Variants in AOPEP observed in about 807,000 individuals in gnomAD.
AOPEP encodes the protein aminopeptidase O.
AOPEP carries 77 observed loss-of-function variants against 98.1 expected under a neutral mutation model. The observed-to-expected ratio is 0.78, with a 90% confidence interval of 0.65 to 0.95. The LOEUF is 0.95. Ranked by LOEUF, AOPEP falls within the 40% of genes least tolerant of loss-of-function variation. The pLI is 0.00. For synonymous variants in AOPEP, 346 were observed against 365.3 expected (o/e 0.95, Z 0.60); for missense variants, 1,024 against 1,024.7 (o/e 1.00, Z 0.01).
At chr9:94,789,263 GGT>G (rs1001015017) in intron 3 of AOPEP, among the ~76,000 whole-genome samples, 1 of 152,174 alleles carries the variant, frequency 6.6e-6, no homozygotes, top group Admixed American at 6.5e-5. Flanking sequence ...AGGAAGCAAA[GGT>G]GGCCTCGGCC....
At chr9:94,894,672 A>G (rs2049263786) in intron 5 of AOPEP, among the ~76,000 whole-genome samples, 1 of 152,222 alleles carries the variant, frequency 6.6e-6, no homozygotes, top group Non-Finnish European at 1.5e-5. Flanking sequence ...ATTTTCATAG[A>G]AAGGAAGGCT....
chr9:95,016,099 TCA>T (rs970912842), intron 13 of AOPEP, among the ~76,000 whole-genome samples: 1 of 151,654 alleles, frequency 6.6e-6, no homozygotes, highest in Non-Finnish European at 1.5e-5. Flanking sequence ...TATTTTACTC[TCA>T]CTCTTTTTTC....
chr9:94,979,308 G>T, intron 10 of AOPEP, 59 bp from the exon 11 acceptor site: 2 of 1,125,728 alleles, frequency 1.8e-6, no homozygotes, highest in Non-Finnish European at 2.7e-6. Context: ...GAACCAGTCT[G>T]TGTAATAAGC....
intron 15 of AOPEP, chr9:95,081,013 G>A (rs189457264): frequency 9.5e-6 from 5 of 528,064 alleles, no homozygotes; most frequent in Admixed American, 3.3e-5. Flanking sequence ...TGGCCCACAC[G>A]TCATCCGATG....
intron 14 of AOPEP, among the ~76,000 whole-genome samples, chr9:95,078,172 G>A (rs1455820589): frequency 3.9e-5 from 6 of 152,072 alleles, no homozygotes; most frequent in Admixed American, 1.3e-4. Flanking sequence ...AGTAAGAAAC[G>A]TGGAAATACT....
intron 5 of AOPEP, among the ~76,000 whole-genome samples, chr9:94,868,869 T>G (rs2046003507): frequency 6.6e-6 from 1 of 152,224 alleles, no homozygotes; most frequent in South Asian, 2.1e-4. Context: ...CTTGCCATAT[T>G]TTAAAACTTA....
chr9:94,786,430 G>C (rs1184762566), intron 3 of AOPEP, among the ~76,000 whole-genome samples: 1 of 152,196 alleles, frequency 6.6e-6, no homozygotes, highest in African/African-American at 2.4e-5. Flanking sequence ...TAATTCTCTT[G>C]CAAGGTAGGC....
At chr9:95,013,899 T>A (rs1399108049) in intron 13 of AOPEP, among the ~76,000 whole-genome samples, 2 of 152,244 alleles carry the variant, frequency 1.3e-5, no homozygotes, top group Non-Finnish European at 2.9e-5. Context: ...AGATTTTTTC[T>A]ATACATTCCA....
intron 1 of AOPEP, among the ~76,000 whole-genome samples, chr9:94,735,042 C>G (rs771448590): frequency 2.6e-5 from 4 of 151,988 alleles, no homozygotes; most frequent in Non-Finnish European, 5.9e-5. Flanking sequence ...ATATTTATTC[C>G]TTGATTGTAT....
At chr9:95,066,193 A>G (rs949167230) in intron 14 of AOPEP, among the ~76,000 whole-genome samples, 1 of 152,152 alleles carries the variant, frequency 6.6e-6, no homozygotes, top group African/African-American at 2.4e-5. Flanking sequence ...ACATTCTTTC[A>G]AAGTCAGGAC....
chr9:94,825,619 T>C (rs1027126402), intron 5 of AOPEP, among the ~76,000 whole-genome samples: 2 of 152,268 alleles, frequency 1.3e-5, no homozygotes, highest in Admixed American at 6.5e-5. Flanking sequence ...ACATGCAGTG[T>C]TCTTTTTTCC....
intron 13 of AOPEP, among the ~76,000 whole-genome samples, chr9:95,041,446 G>GTGTGT (rs200579150): frequency 0.12 from 17,363 of 141,936 alleles, 1,160 homozygotes; most frequent in Middle Eastern, 0.14. Flanking sequence ...AGTCCTTGGG[G>GTGTGT]GTGTGTGTGT....
chr9:94,947,114 C>G (rs901518529), intron 7 of AOPEP, among the ~76,000 whole-genome samples: 5 of 150,938 alleles, frequency 3.3e-5, no homozygotes, highest in African/African-American at 1.2e-4. Context: ...GTAGCTGGGA[C>G]TACAGGCGCC....
chr9:94,768,466 C>T (rs1362359598), intron 2 of AOPEP, among the ~76,000 whole-genome samples: 1 of 152,206 alleles, frequency 6.6e-6, no homozygotes, highest in Non-Finnish European at 1.5e-5. Context: ...TGCGTAGCTC[C>T]TCCTTAGGAA....
At chr9:94,745,906 T>A (rs1588015407) in intron 1 of AOPEP, among the ~76,000 whole-genome samples, 1 of 152,220 alleles carries the variant, frequency 6.6e-6, no homozygotes, top group Admixed American at 6.5e-5. Context: ...TGATGGAACA[T>A]ACGGTATTTC....
chr9:95,123,785 T>C, the AOPEP span: 1 of 699,416 alleles, frequency 1.4e-6, no homozygotes, highest in Non-Finnish European at 2.7e-6. Context: ...GAATCGATCT[T>C]GTGAAGCCCA....
At chr9:94,929,806 G>A (rs549533301) in intron 7 of AOPEP, among the ~76,000 whole-genome samples, 7 of 152,366 alleles carry the variant, frequency 4.6e-5, no homozygotes, top group South Asian at 2.1e-4. Flanking sequence ...CAGACTGCTC[G>A]GTGATGTCCA....
rs55696602 is a variant in AOPEP at position 95,020,918 on chromosome 9, CA to C, written c.2115+15320del. ...TGGGCAACAGAGTGAGACCTTGTCT[CA>C]AAAAAAAAAAAAAAAAAGACATAAG... On this transcript the variant is annotated intron_variant, in intron 13 of 16. Transcript: ENST00000375315. 7.6e-4 allele frequency among the ~76,000 whole-genome samples: 56 copies of C among 73,356 alleles called. 1 individual carries two copies. Among genetic ancestry groups the C allele is most frequent in the South Asian group, 3.0e-3 (5 of 1,652 alleles). The allele number at this position is 73,356 out of a possible 152,430, so 48.1% of individuals were successfully genotyped here.
intron 5 of AOPEP, among the ~76,000 whole-genome samples, chr9:94,815,904 T>C (rs961921486): frequency 3.9e-5 from 6 of 152,168 alleles, no homozygotes; most frequent in Non-Finnish European, 8.8e-5. Context: ...CAAGCTTTGG[T>C]TTAATAGGTA....
Sources: gnomAD v4.1 joint callset for allele counts (sites outside exome capture counted in the v4.1 genomes callset) on GRCh38, gnomAD v4.1.1 for gene constraint, MANE v1.5 for transcripts, NCBI Gene and HGNC (gene_info 2026-07-23, HGNC 2026-07-21) for gene names.